Variants in MARK4 observed in about 807,000 individuals in gnomAD.
MARK4 encodes the protein microtubule affinity regulating kinase 4.
Under a neutral mutation model 81.5 loss-of-function variants are expected in MARK4, and 19 were observed. The observed-to-expected ratio is 0.23, with a 90% CI of 0.16 to 0.34. The LOEUF (loss-of-function observed/expected upper bound fraction) is 0.34, where lower values mean the gene tolerates loss of function less well. Among genes scored for constraint, MARK4 ranks in the 10% least tolerant of loss-of-function variants. MARK4 has a pLI of 1.00. For synonymous variants in MARK4, 436 were observed against 439.0 expected, an observed-to-expected ratio of 0.99 and a Z score of 0.08; for missense variants, 772 against 1,058.8, an observed-to-expected ratio of 0.73 and a Z score of 3.76.
intron 1 of MARK4, among the ~76,000 whole-genome samples, chr19:45,258,330 T>C (rs1349736221): frequency 6.6e-6 from 1 of 152,204 alleles, no homozygotes; most frequent in Non-Finnish European, 1.5e-5. Flanking sequence ...AAAAGATTCA[T>C]GTGCATTGCT....
chr19:45,262,910 G>T, intron 2 of MARK4: 1 of 553,534 alleles, frequency 1.8e-6, no homozygotes, highest in Non-Finnish European at 3.2e-6. Context: ...GATTACAGGT[G>T]CCTGCTACCA....
chr19:45,285,659 G>C (rs144761799), intron 12 of MARK4, among the ~76,000 whole-genome samples: 1 of 152,150 alleles, frequency 6.6e-6, no homozygotes, highest in African/African-American at 2.4e-5. Context: ...TGGTTAGAAC[G>C]TGGTAACCTT....
chr19:45,301,437 C>A (rs1227034683), intron 16 of MARK4, among the ~76,000 whole-genome samples: 1 of 151,738 alleles, frequency 6.6e-6, no homozygotes, highest in Admixed American at 6.6e-5. Context: ...GGTGCCTGTT[C>A]TCCCAGCTAC....
intron 16 of MARK4, among the ~76,000 whole-genome samples, chr19:45,301,577 A>AAAAAAG (rs1970973084): frequency 6.9e-6 from 1 of 144,256 alleles, no homozygotes; most frequent in Non-Finnish European, 1.5e-5. Flanking sequence ...AAAAAAAAAA[A>AAAAAAG]AAGCCGGGCG....
At chr19:45,254,072 C>T (rs78433478) in intron 1 of MARK4, among the ~76,000 whole-genome samples, 1 of 152,256 alleles carries the variant, frequency 6.6e-6, no homozygotes, top group African/African-American at 2.4e-5. Context: ...GAGGTTGCAG[C>T]CCCCTCTCCT....
chr19:45,295,374 C>T (rs1211746086), intron 14 of MARK4, among the ~76,000 whole-genome samples: 1 of 151,640 alleles, frequency 6.6e-6, no homozygotes, highest in Non-Finnish European at 1.5e-5. Context: ...AAAAAAGTCA[C>T]GATTCTGTGA....
At chr19:45,298,934 G>A (rs896306920) in intron 15 of MARK4, among the ~76,000 whole-genome samples, 3 of 151,686 alleles carry the variant, frequency 2.0e-5, no homozygotes, top group African/African-American at 7.3e-5. Flanking sequence ...TAAATTGGCC[G>A]GGCGTGGTGA....
At chr19:45,255,829 G>A (rs908274235) in intron 1 of MARK4, among the ~76,000 whole-genome samples, 3 of 152,198 alleles carry the variant, frequency 2.0e-5, no homozygotes, top group East Asian at 3.9e-4. Flanking sequence ...ACTCCCAGCC[G>A]GAAGGGCACA....
At chr19:45,273,213 C>CA (rs1472494702) in intron 8 of MARK4, among the ~76,000 whole-genome samples, 1 of 151,750 alleles carries the variant, frequency 6.6e-6, no homozygotes, top group Non-Finnish European at 1.5e-5. Flanking sequence ...GAGCAAATAA[C>CA]ACATGGTATG....
At chr19:45,280,797 C>A in intron 12 of MARK4, 63 bp downstream of exon 12, 1 of 1,585,158 alleles carries the variant, frequency 6.3e-7, no homozygotes, top group Non-Finnish European at 8.6e-7. Context: ...CTTACAGTTA[C>A]GTCAGGGTTC....
chr19:45,258,693 C>T (rs1447754340), intron 1 of MARK4, among the ~76,000 whole-genome samples: 2 of 151,514 alleles, frequency 1.3e-5, no homozygotes, highest in East Asian at 3.9e-4. Flanking sequence ...GAGGAAGACT[C>T]CATCCGAAGG....
At chr19:45,301,865 C>CAA (rs11309011) in intron 16 of MARK4, among the ~76,000 whole-genome samples, 5 of 124,134 alleles carry the variant, frequency 4.0e-5, no homozygotes, top group Middle Eastern at 4.2e-3. Flanking sequence ...AACTCCGTCT[C>CAA]AAAAAAAAAA....
At chr19:45,282,230 A>T (rs1211155382) in intron 12 of MARK4, among the ~76,000 whole-genome samples, 2 of 137,090 alleles carry the variant, frequency 1.5e-5, no homozygotes, top group Non-Finnish European at 3.2e-5. Flanking sequence ...CAAAAAAATT[A>T]AAAAAAAAAA....
intron 11 of MARK4, 32 bp downstream of exon 11, chr19:45,280,515 G>A (rs199663925): frequency 3.0e-5 from 49 of 1,614,066 alleles, no homozygotes; most frequent in Middle Eastern, 1.7e-4. Context: ...TTGGGGACGC[G>A]TGATGCCTGG....
intron 2 of MARK4, among the ~76,000 whole-genome samples, chr19:45,259,805 G>C (rs1017501533): frequency 6.6e-6 from 1 of 151,384 alleles, no homozygotes; most frequent in Middle Eastern, 3.5e-3. Flanking sequence ...AATAAAAGAG[G>C]GCTGGGCATG....
At chr19:45,291,692 G>A (rs1970822747) in intron 13 of MARK4, among the ~76,000 whole-genome samples, 1 of 152,210 alleles carries the variant, frequency 6.6e-6, no homozygotes, top group Admixed American at 6.5e-5. Flanking sequence ...TGAGGCAGGA[G>A]AATGGCATGA....
chr19:45,259,148 G>T lies in MARK4; in HGVS notation c.211G>T (p.Ala71Ser), dbSNP rs1380372619. 1 of 1,614,170 alleles carries T rather than the reference G, an allele frequency of 6.2e-7. No individual in the cohort carries two copies. Among genetic ancestry groups the T allele is most frequent in the Admixed American group, 1.7e-5 (1 of 60,020 alleles). The change falls in exon 2 of 17, where the codon GCC becomes TCC. Residue 71 changes from alanine to serine, a missense_variant. Coordinates refer to ENST00000262891, the MANE Select transcript of MARK4 (RefSeq NM_001199867.2). ...LLRTIGKGNFAKVKLARHILT... is the reference protein window; with the variant it reads ...LLRTIGKGNFSKVKLARHILT... ...GAGGACCATTGGGAAGGGCAACTTT[G>T]CCAAAGTCAAGCTGGCTCGGCACAT... is the stretch of plus-strand genomic sequence containing the variant.
At chr19:45,262,973 C>G (rs921991582) in intron 2 of MARK4, 140 bp from the exon 3 acceptor site, 17 of 916,904 alleles carry the variant, frequency 1.9e-5, no homozygotes, top group Non-Finnish European at 2.7e-5. Context: ...TCGTGTTGAC[C>G]AGGCTGGTCT....
At chr19:45,253,411 C>T (rs1416939492) in intron 1 of MARK4, among the ~76,000 whole-genome samples, 1 of 152,190 alleles carries the variant, frequency 6.6e-6, no homozygotes, top group Non-Finnish European at 1.5e-5. Flanking sequence ...GCTGGTTTGC[C>T]TTGTGTCCTC....
Sources: allele counts gnomAD v4.1 joint callset (sites outside exome capture counted in the v4.1 genomes callset), GRCh38; gene constraint gnomAD v4.1.1; transcripts MANE v1.5; gene names NCBI Gene and HGNC (gene_info 2026-07-23, HGNC 2026-07-21).